Variants in VRK2 observed in about 807,000 individuals in gnomAD.
VRK2 encodes the protein serine/threonine-protein kinase VRK2.
VRK2 carries 60 observed loss-of-function variants against 57.6 expected under a neutral mutation model. The ratio of observed to expected loss-of-function variants is 1.04; its 90% CI spans 0.85 to 1.29. The LOEUF is 1.29. Among genes scored for constraint, VRK2 ranks in the 50% most tolerant of loss-of-function variants. VRK2 has a pLI of 0.00. For missense variants in VRK2, 705 were observed against 588.1 expected (o/e 1.20, Z -2.06); for synonymous variants, 231 against 199.2 (o/e 1.16, Z -1.35).
At chr2:58,146,993 A>AT (rs1682254302) in intron 12 of VRK2, among the ~76,000 whole-genome samples, 1 of 151,998 alleles carries the variant, frequency 6.6e-6, no homozygotes, top group Admixed American at 6.6e-5. Flanking sequence ...CATACAATGC[A>AT]TTTATTATCT....
chr2:57,963,181 T>C (rs1289307408), intron 1 of VRK2, among the ~76,000 whole-genome samples: 1 of 152,202 alleles, frequency 6.6e-6, no homozygotes, highest in Non-Finnish European at 1.5e-5. Flanking sequence ...AGTCCTCTAC[T>C]GTTATTTCTG....
At chr2:58,053,964 C>G (rs1435293141) in intron 2 of VRK2, among the ~76,000 whole-genome samples, 4 of 151,976 alleles carry the variant, frequency 2.6e-5, no homozygotes, top group African/African-American at 9.7e-5. Context: ...AATATAAACT[C>G]AAAACAGGGA....
chr2:57,922,420 G>A (rs555849325), intron 1 of VRK2, among the ~76,000 whole-genome samples: 30 of 150,564 alleles, frequency 2.0e-4, no homozygotes, highest in Admixed American at 5.3e-4. Context: ...CCACAATCAC[G>A]CTAACATAAC....
chr2:57,924,009 CT>C (rs934910918), intron 1 of VRK2, among the ~76,000 whole-genome samples: 3 of 151,802 alleles, frequency 2.0e-5, no homozygotes, highest in African/African-American at 7.2e-5. Flanking sequence ...TTCTTGGCAC[CT>C]TTGTCAAAAA....
intron 1 of VRK2, among the ~76,000 whole-genome samples, chr2:58,010,599 T>C (rs1006843564): frequency 2.0e-5 from 3 of 152,144 alleles, no homozygotes; most frequent in East Asian, 1.9e-4. Flanking sequence ...TAGGTCTCCA[T>C]TGGAAAATCG....
intron 7 of VRK2, among the ~76,000 whole-genome samples, chr2:58,090,123 C>T (rs1026456987): frequency 9.2e-5 from 14 of 152,092 alleles, no homozygotes; most frequent in East Asian, 3.9e-4. Context: ...AGGCCGGGCG[C>T]GGTGGCTCAT....
chr2:58,050,714 A>G (rs1226235331), intron 2 of VRK2, among the ~76,000 whole-genome samples: 1 of 152,228 alleles, frequency 6.6e-6, no homozygotes. Context: ...GTATGTATCT[A>G]TGTGTACACA....
intron 2 of VRK2, among the ~76,000 whole-genome samples, chr2:58,050,508 G>A (rs1400842518): frequency 1.6e-4 from 24 of 152,176 alleles, no homozygotes; most frequent in Admixed American, 1.6e-3. Flanking sequence ...TTCTGATGTG[G>A]CTGAGCTATA....
chr2:57,928,053 T>G (rs1670599252), intron 1 of VRK2, among the ~76,000 whole-genome samples: 1 of 152,192 alleles, frequency 6.6e-6, no homozygotes, highest in African/African-American at 2.4e-5. Flanking sequence ...CTTCTTGTAC[T>G]TGACTTTTGA....
At chr2:58,086,911 T>C (rs1671702850) in intron 5 of VRK2, among the ~76,000 whole-genome samples, 1 of 152,196 alleles carries the variant, frequency 6.6e-6, no homozygotes, top group Non-Finnish European at 1.5e-5. Flanking sequence ...TGTAATCTAA[T>C]CTTAAAAGGG....
intron 2 of VRK2, 27 bp downstream of exon 2, chr2:58,048,994 T>C (rs1487880203): frequency 6.2e-7 from 1 of 1,604,948 alleles, no homozygotes; most frequent in East Asian, 2.2e-5. Flanking sequence ...AATTAACAAT[T>C]ATTCTTATAT....
intron 1 of VRK2, among the ~76,000 whole-genome samples, chr2:58,003,486 T>C (rs1420697553): frequency 6.6e-6 from 1 of 152,152 alleles, no homozygotes; most frequent in Non-Finnish European, 1.5e-5. Flanking sequence ...ATGTCTAATA[T>C]AGAGTTTCCA....
chr2:57,923,426 C>T (rs1670421442), intron 1 of VRK2, among the ~76,000 whole-genome samples: 1 of 151,862 alleles, frequency 6.6e-6, no homozygotes, highest in African/African-American at 2.4e-5. Context: ...GTCATTTTAA[C>T]TGAACTGAGA....
At chr2:58,024,537 C>T (rs891677473) in intron 1 of VRK2, among the ~76,000 whole-genome samples, 2 of 152,094 alleles carry the variant, frequency 1.3e-5, no homozygotes, top group Non-Finnish European at 2.9e-5. Flanking sequence ...CTGGCTTTAA[C>T]AATACTGTTT....
intron 11 of VRK2, among the ~76,000 whole-genome samples, chr2:58,144,016 C>CAT (rs1005329354): frequency 1.2e-4 from 18 of 150,638 alleles, no homozygotes; most frequent in African/African-American, 2.7e-4. Flanking sequence ...TACATATACA[C>CAT]ATATATATAT....
intron 1 of VRK2, among the ~76,000 whole-genome samples, chr2:57,915,281 T>G (rs951866212): frequency 6.6e-6 from 1 of 152,138 alleles, no homozygotes; most frequent in African/African-American, 2.4e-5. Flanking sequence ...TGATTCTACA[T>G]AAATCTAAAA....
At chr2:58,144,855 G>A (rs1275902587) in intron 11 of VRK2, among the ~76,000 whole-genome samples, 1 of 152,016 alleles carries the variant, frequency 6.6e-6, no homozygotes, top group Non-Finnish European at 1.5e-5. Context: ...GTAGAATAGA[G>A]TGGTGTTGTG....
At chr2:57,958,550 G>T (rs1016316807) in intron 1 of VRK2, among the ~76,000 whole-genome samples, 1 of 151,536 alleles carries the variant, frequency 6.6e-6, no homozygotes, top group Non-Finnish European at 1.5e-5. Context: ...GACTCGAAAC[G>T]ATGTTGTTTT....
intron 1 of VRK2, chr2:58,048,602 G>C (rs756689140): frequency 2.7e-6 from 4 of 1,465,420 alleles, no homozygotes; most frequent in Non-Finnish European, 2.7e-6. Flanking sequence ...GTTTGCTTCT[G>C]TTTTTTTAAA....
Sources: gnomAD v4.1 joint callset for allele counts (sites outside exome capture counted in the v4.1 genomes callset) on GRCh38, gnomAD v4.1.1 for gene constraint, MANE v1.5 for transcripts, NCBI Gene and HGNC (gene_info 2026-07-23, HGNC 2026-07-21) for gene names.